TUBB6: variants seen among roughly 807,000 people sequenced by gnomAD.
The protein encoded by TUBB6 is tubulin beta-6 chain.
TUBB6 carries 18 observed loss-of-function variants against 32.3 expected under a neutral mutation model. That is an observed-to-expected ratio of 0.56 (90% CI 0.39 to 0.83). The LOEUF (loss-of-function observed/expected upper bound fraction) is 0.83, where lower values mean the gene tolerates loss of function less well. Ranked by LOEUF, TUBB6 falls within the 40% of genes least tolerant of loss-of-function variation. TUBB6 has a pLI of 0.00. For synonymous variants in TUBB6, 280 were observed against 265.8 expected (o/e 1.05, Z -0.52); for missense variants, 480 against 632.0 (o/e 0.76, Z 2.58).
Position 12,326,020 on chromosome 18 carries a change from G to A in TUBB6, c.1231G>A (p.Ala411Thr). The A allele has an allele frequency of 6.2e-7, 1 of 1,614,158 alleles. No individual in the cohort carries two copies. Among genetic ancestry groups the A allele is most frequent in the Non-Finnish European group, 8.5e-7 (1 of 1,180,038 alleles). ...CATGGATGAAATGGAGTTCACCGAG[G>A]CGGAGAGCAACATGAACGACCTGGT... ...EGMDEMEFTEAESNMNDLVSE... is the reference protein window; with the variant it reads ...EGMDEMEFTETESNMNDLVSE... Residue 411 changes from alanine (A) to threonine (T), a missense_variant, in exon 4 of 4, where the codon GCG becomes ACG. Physicochemically the swap from Ala to Thr is moderately conservative, Grantham distance 58. Transcript: ENST00000317702.
Position 12,326,350 on chromosome 18 carries a change from ACTTT to A in TUBB6, c.*223_*226del. 1 of 630,174 alleles carries A rather than the reference ACTTT, an allele frequency of 1.6e-6. No individual in the cohort carries two copies. The allele number at this position is 630,174 out of a possible 1,614,324, so 39.0% of individuals were successfully genotyped here. A position where few individuals can be genotyped will look rare whatever the true frequency, so the allele number is the denominator to read the frequency against. ...CCAGTCAGAAGATCACACCATGGAG[ACTTT>A]CTACTAGAGGACTTGAAAGAGAACT... is the stretch of plus-strand genomic sequence containing the variant. On this transcript the variant is annotated 3_prime_UTR_variant, in exon 4 of 4. Coordinates refer to ENST00000317702, the MANE Select transcript of TUBB6 (RefSeq NM_032525.3).
Position 12,308,263 on chromosome 18 carries a change from G to C in TUBB6, c.-30G>C, listed in dbSNP as rs1164464713. The C allele has an allele frequency of 7.1e-7, 1 of 1,415,486 alleles. No individual in the cohort carries two copies. Among genetic ancestry groups the C allele is most frequent in the Non-Finnish European group, 9.3e-7 (1 of 1,077,794 alleles). The allele number at this position is 1,415,486 out of a possible 1,614,324, so 87.7% of individuals were successfully genotyped here. A position where few individuals can be genotyped will look rare whatever the true frequency, so the allele number is the denominator to read the frequency against. ...CGCAGTTGCCGCTGTCGTCCGCAGA[G>C]CCAGTTCCTAGCGCAGAGCCGCGCC... On this transcript the variant is annotated 5_prime_UTR_variant, in exon 1 of 4. Transcript: ENST00000317702.
At chr18:12,314,297 A>G (rs1287881854) in intron 3 of TUBB6, among the ~76,000 whole-genome samples, 3 of 151,876 alleles carry the variant, frequency 2.0e-5, no homozygotes, top group Middle Eastern at 3.4e-3. Context: ...AAATGGCCCT[A>G]TCTCCCCCAC....
At chr18:12,324,126 T>C (rs1481466503) in intron 3 of TUBB6, among the ~76,000 whole-genome samples, 2 of 152,150 alleles carry the variant, frequency 1.3e-5, no homozygotes, top group African/African-American at 4.8e-5. Context: ...TCCCAGCACT[T>C]TGGGAGGCCG....
Position 12,322,222 on chromosome 18 carries a change from C to G in TUBB6, c.278-2845C>G, listed in dbSNP as rs551317292. Among the ~76,000 whole-genome samples the G allele has an allele frequency of 2.6e-5, 4 of 152,086 alleles. No homozygotes were observed. The South Asian group carries it at 8.3e-4, about 32-fold the overall frequency. The stretch of plus-strand genomic sequence containing the variant: ...GGGCTGAAGCAGAATTGCTTGAACC[C>G]AGGAGGTGGAGGTTGCAGTGAGACA... On this transcript the variant is annotated intron_variant, in intron 3 of 3. Transcript: ENST00000317702.
At position 12,321,766 on chromosome 18, in the gene TUBB6, A is replaced by G. The variant is rs933598136; in HGVS notation, c.278-3301A>G. On this transcript the variant is annotated intron_variant, in intron 3 of 3. Transcript: ENST00000317702. ...AAATCTGCAGCCCAAAATTTCATGA[A>G]AATAAATATTTAAAACATTTTATTA... Among the ~76,000 whole-genome samples the G allele has an allele frequency of 2.0e-5, 3 of 152,230 alleles. No homozygotes were observed. In the East Asian group the frequency reaches 5.8e-4, roughly 29 times the overall value.
Position 12,325,051 on chromosome 18 carries a change from ACT to A in TUBB6, c.278-11_278-10del, listed in dbSNP as rs762545188. 57 of 1,554,478 alleles carry A rather than the reference ACT, an allele frequency of 3.7e-5. No individual in the cohort carries two copies. In the Middle Eastern group the frequency reaches 1.0e-3, roughly 28 times the overall value. On this transcript the variant is annotated splice_polypyrimidine_tract_variant and intron_variant, in intron 3 of 3. Coordinates refer to ENST00000317702, the MANE Select transcript of TUBB6 (RefSeq NM_032525.3). ...CCCTTTCCTGTTTAAACGGCACGGG[ACT>A]CTCTTTGTTGCAGGCCAGACGGGTG...
Position 12,325,438 on chromosome 18 carries a change from C to G in TUBB6, c.649C>G (p.Leu217Val). The change falls in exon 4 of 4, where the codon CTG becomes GTG. Residue 217 changes from leucine to valine, a missense_variant. Coordinates refer to ENST00000317702, the MANE Select transcript of TUBB6 (RefSeq NM_032525.3). ...TGACATCTGCTTCCGCACTCTGAAG[C>G]TGACAACGCCCACCTACGGGGACCT... ...LYDICFRTLK[L>V]TTPTYGDLNH... is the part of the protein sequence containing the mutation. 6 of 1,614,256 alleles carry G rather than the reference C, an allele frequency of 3.7e-6. No homozygotes were observed. The highest frequency in any genetic ancestry group is 5.1e-6 in the Non-Finnish European group (6 of 1,180,038).
chr18:12,328,238 TTG>T (rs1395670810), downstream of TUBB6, among the ~76,000 whole-genome samples: 2 of 152,168 alleles, frequency 1.3e-5, no homozygotes, highest in African/African-American at 4.8e-5. Flanking sequence ...TGCCACTAGA[TTG>T]TGTTAATTCT....
At position 12,326,340 on chromosome 18, in the gene TUBB6, C is replaced by A. The variant is rs541003246; in HGVS notation, c.*210C>A. On this transcript the variant is annotated 3_prime_UTR_variant, in exon 4 of 4. Coordinates refer to ENST00000317702, the MANE Select transcript of TUBB6 (RefSeq NM_032525.3). ...CGGGTTCTACCCAGTCAGAAGATCA[C>A]ACCATGGAGACTTTCTACTAGAGGA... The A allele has an allele frequency of 6.5e-5, 45 of 693,898 alleles. No homozygotes were observed. In the African/African-American group the frequency reaches 7.9e-4, roughly 12 times the overall value. 43.0% of individuals were successfully genotyped at this position (693,898 alleles called of 1,614,324 possible).
intron 2 of TUBB6, among the ~76,000 whole-genome samples, chr18:12,310,139 C>G (rs533585426): frequency 6.6e-6 from 1 of 152,274 alleles, no homozygotes; most frequent in African/African-American, 2.4e-5. Context: ...CATGCCTGGA[C>G]TCGTTCCTCA....
chr18:12,313,151 C>CATT (rs58813484), intron 3 of TUBB6, among the ~76,000 whole-genome samples: 120,035 of 151,998 alleles, frequency 0.79, 48,621 homozygotes, highest in Non-Finnish European at 0.88. Context: ...CCTGGTGAAA[C>CATT]AGAAGCATTT....
At chr18:12,318,419 T>C (rs927078609) in intron 3 of TUBB6, among the ~76,000 whole-genome samples, 19 of 148,386 alleles carry the variant, frequency 1.3e-4, no homozygotes, top group Non-Finnish European at 2.5e-4. Context: ...ACATACTAGA[T>C]GCTGTCTACG....
rs780687278 is a variant in TUBB6 at position 12,326,064 on chromosome 18, C to A, written c.1275C>A (p.Tyr425Ter). 6.2e-7 allele frequency: 1 copy of A among 1,614,086 alleles called. No individual in the cohort carries two copies. Among genetic ancestry groups the A allele is most frequent in the East Asian group, 2.2e-5 (1 of 44,870 alleles). ...ACCTGGTATCCGAGTACCAGCAGTA[C>A]CAGGATGCCACCGCCAATGACGGGG... is the stretch of plus-strand genomic sequence containing the variant. Reference protein sequence around the residue: ...MNDLVSEYQQYQDATANDGEE... With the variant: ...MNDLVSEYQQ The change falls in exon 4 of 4, where the codon TAC (tyrosine) becomes TAA (stop). Residue 425 changes from tyrosine to a stop codon, truncating the protein, a stop_gained. Coordinates refer to ENST00000317702, the MANE Select transcript of TUBB6 (RefSeq NM_032525.3). LOFTEE classifies it high-confidence loss of function.
chr18:12,329,209 C>T (rs1236554900), downstream of TUBB6: 1 of 702,938 alleles, frequency 1.4e-6, no homozygotes, highest in African/African-American at 1.7e-5. Context: ...GAGAAAGCAT[C>T]CCTTCCCACA....
In TUBB6 at chr18:12,325,484, C is replaced by T. The variant is rs758795813; in HGVS notation, c.695C>T (p.Thr232Ile). 3.3e-5 allele frequency: 54 copies of T among 1,614,128 alleles called. No homozygotes were observed. Among genetic ancestry groups the T allele is most frequent in the Admixed American group, 3.3e-4 (20 of 60,016 alleles). ...GACCTCAACCACCTGGTGTCCGCCA[C>T]CATGAGTGGGGTCACCACCTCGCTG... The part of the protein sequence containing the change: ...YGDLNHLVSA[T>I]MSGVTTSLRF... The change falls in exon 4 of 4, where the codon ACC (threonine) becomes ATC (isoleucine). Residue 232 changes from threonine to isoleucine, a missense_variant. By Grantham distance (89) the Thr-to-Ile change is moderately conservative (BLOSUM62 -1). Coordinates refer to ENST00000317702, the MANE Select transcript of TUBB6 (RefSeq NM_032525.3).
At chr18:12,329,029 T>C, downstream of TUBB6, 2 of 653,928 alleles carry the variant, frequency 3.1e-6, no homozygotes, top group Non-Finnish European at 5.5e-6. Context: ...TTTAAGTATG[T>C]TACAGCTCCT....
downstream of TUBB6, among the ~76,000 whole-genome samples, chr18:12,327,551 C>T (rs1256767285): frequency 1.3e-5 from 2 of 152,180 alleles, no homozygotes; most frequent in African/African-American, 4.8e-5. Flanking sequence ...TATTCTGAGA[C>T]CACAGTAAAA....
At chr18:12,324,102 G>A (rs1291327475) in intron 3 of TUBB6, among the ~76,000 whole-genome samples, 8 of 152,180 alleles carry the variant, frequency 5.3e-5, no homozygotes, top group Admixed American at 1.3e-4. Context: ...GGGCGCCGTG[G>A]CTCACGCCTG....
Sources: gnomAD v4.1 joint callset for allele counts (sites outside exome capture counted in the v4.1 genomes callset) on GRCh38, gnomAD v4.1.1 for gene constraint, MANE v1.5 for transcripts, NCBI Gene and HGNC (gene_info 2026-07-23, HGNC 2026-07-21) for gene names.